Variants in ZNF446 observed in about 807,000 individuals in gnomAD.
ZNF446 encodes the protein zinc finger protein 446, also known as zinc finger protein with KRAB and SCAN domains 20.
A neutral mutation model predicts 34.0 loss-of-function variants in ZNF446; 42 were observed. The observed-to-expected ratio is 1.23, with a 90% CI of 0.96 to 1.60. The LOEUF is 1.60. ZNF446 is among the 40% of genes most tolerant of loss of function. ZNF446 has a pLI of 0.00. For synonymous variants in ZNF446, 315 were observed against 251.0 expected (o/e 1.25, Z -2.41); for missense variants, 650 against 600.2 (o/e 1.08, Z -0.87).
downstream of ZNF446, among the ~76,000 whole-genome samples, chr19:58,481,655 C>T (rs148872015): frequency 3.0e-3 from 452 of 152,304 alleles, 1 homozygote; most frequent in African/African-American, 0.01. Context: ...ACTGGGGACT[C>T]GCCAATGCAC....
downstream of ZNF446, among the ~76,000 whole-genome samples, chr19:58,482,565 G>A (rs1259360579): frequency 6.6e-6 from 1 of 152,208 alleles, no homozygotes; most frequent in South Asian, 2.1e-4. Flanking sequence ...TGGATGTTGA[G>A]GGTAGCTGCG....
chr19:58,487,856 T>C, the ZNF446 span, among the ~76,000 whole-genome samples: 1 of 152,172 alleles, frequency 6.6e-6, no homozygotes, highest in African/African-American at 2.4e-5. Context: ...TAAAATATGA[T>C]AGAAACATGG....
rs765197845 is a variant in ZNF446, at chr19:58,477,235, G to T, written c.17G>T (p.Gly6Val). 1.3e-6 allele frequency: 2 copies of T among 1,576,892 alleles called. No individual in the cohort carries two copies. Among genetic ancestry groups the T allele is most frequent in the South Asian group, 2.3e-5 (2 of 87,614 alleles). Residue 6 changes from glycine (G) to valine (V), a missense_variant, in exon 2 of 7, where the codon GGT (glycine) becomes GTT (valine). Physicochemically the swap from Gly to Val is moderately radical, Grantham distance 109 (BLOSUM62 -3). Coordinates refer to ENST00000594369, the MANE Select transcript of ZNF446 (RefSeq NM_017908.4). MPSPL[G>V]PPCLPVMDPE... Reference sequence around the variant, plus strand: ...TGAGCAAGAATGCCATCCCCTCTGGGTCCCCCATGCCTGCCCGTCATGGAC... The same window carrying T: ...TGAGCAAGAATGCCATCCCCTCTGGTTCCCCCATGCCTGCCCGTCATGGAC...
At chr19:58,482,195 C>CT (rs768230662), downstream of ZNF446, among the ~76,000 whole-genome samples, 137 of 149,988 alleles carry the variant, frequency 9.1e-4, 1 homozygote, top group African/African-American at 2.3e-3. Context: ...CACGTTCCCC[C>CT]TTTTTTTTTT....
rs371864951 is a variant in ZNF446 at position 58,477,205 on chromosome 19, C to G, written c.-14C>G. On this transcript the variant is annotated 5_prime_UTR_variant, in exon 2 of 7. Transcript: ENST00000594369. ...CCCATCTTGACGATTCCAAGACCAC[C>G]CCCTTGAGCAAGAATGCCATCCCCT... 2 of 1,535,142 alleles carry G rather than the reference C, an allele frequency of 1.3e-6. No individual in the cohort carries two copies. The highest frequency in any genetic ancestry group is 1.4e-5 in the African/African-American group (1 of 72,392).
chr19:58,480,956 C>T lies in ZNF446; in HGVS notation c.*230C>T. ...CCTCCTAGAGGGAGGTCTGGGTTCC[C>T]TTCTATGGCTGACCAGTGCCTGTGG... On this transcript the variant is annotated 3_prime_UTR_variant, in exon 7 of 7. Transcript: ENST00000594369. This position sits in a 1 kb window ranked among gnomAD's most constrained non-coding sequence, Gnocchi z 7.2. 2 of 585,064 alleles carry T rather than the reference C, an allele frequency of 3.4e-6. No homozygotes were observed. The highest frequency in any genetic ancestry group is 4.4e-5 in the South Asian group (2 of 44,976). 36.2% of individuals were successfully genotyped at this position (585,064 alleles called of 1,614,324 possible).
chr19:58,479,917 C>G lies in ZNF446; in HGVS notation c.713-13C>G, dbSNP rs776302510. 1 of 1,558,802 alleles carries G rather than the reference C, an allele frequency of 6.4e-7. No homozygotes were observed. The highest frequency in any genetic ancestry group is 1.9e-5 in the Admixed American group (1 of 52,384). ...GCAAACCCCATGCCTAACTGTGCCC[C>G]CCACCCGGGCAGGGTTACCGCCCCA... On this transcript the variant is annotated splice_polypyrimidine_tract_variant and intron_variant, in intron 5 of 6. Coordinates refer to ENST00000594369, the MANE Select transcript of ZNF446 (RefSeq NM_017908.4).
At chr19:58,488,531 A>G in the ZNF446 span, among the ~76,000 whole-genome samples, 1 of 151,184 alleles carries the variant, frequency 6.6e-6, no homozygotes, top group African/African-American at 2.4e-5. Context: ...ATTAAAAGAA[A>G]AGGCATAAAC....
At chr19:58,476,823 G>A (rs952367318) in intron 1 of ZNF446, among the ~76,000 whole-genome samples, 1 of 151,932 alleles carries the variant, frequency 6.6e-6, no homozygotes, top group Non-Finnish European at 1.5e-5. Context: ...CTCGCACCTC[G>A]GCTAGACACT....
rs763449513 is a variant in ZNF446, at chr19:58,479,924, G to A, written c.713-6G>A. 10 of 1,566,792 alleles carry A rather than the reference G, an allele frequency of 6.4e-6. 1 individual carries two copies. Among genetic ancestry groups the A allele is most frequent in the Middle Eastern group, 3.3e-4 (2 of 6,010 alleles). On this transcript the variant is annotated splice_region_variant and splice_polypyrimidine_tract_variant and intron_variant, in intron 5 of 6. Coordinates refer to ENST00000594369, the MANE Select transcript of ZNF446 (RefSeq NM_017908.4). ...CCATGCCTAACTGTGCCCCCCACCC[G>A]GGCAGGGTTACCGCCCCACCAGCCA... is the stretch of plus-strand genomic sequence containing the variant.
At chr19:58,478,016 G>C in intron 3 of ZNF446, 71 bp from the exon 4 acceptor site, 1 of 1,459,338 alleles carries the variant, frequency 6.9e-7, no homozygotes, top group Non-Finnish European at 9.4e-7. Context: ...ACACAGCAGA[G>C]GAGCTCCTCA....
chr19:58,482,123 T>G (rs1359895058), downstream of ZNF446, among the ~76,000 whole-genome samples: 1 of 152,106 alleles, frequency 6.6e-6, no homozygotes, highest in African/African-American at 2.4e-5. Flanking sequence ...GACTGGTTCC[T>G]CTTGAAGGCT....
chr19:58,479,810 G>T (rs765628161), intron 5 of ZNF446, 83 bp downstream of exon 5: 1 of 1,497,310 alleles, frequency 6.7e-7, no homozygotes, highest in Non-Finnish European at 9.2e-7. Flanking sequence ...CAGGGCCTCT[G>T]TGCTACCAGC....
Position 58,480,608 on chromosome 19 carries a change from T to C in ZNF446, c.1235T>C (p.Ile412Thr), listed in dbSNP as rs779842225. The change falls in exon 7 of 7, where the codon ATC becomes ACC. Residue 412 changes from isoleucine to threonine, a missense_variant. Coordinates refer to ENST00000594369, the MANE Select transcript of ZNF446 (RefSeq NM_017908.4). This position sits in a 1 kb window ranked among gnomAD's most constrained non-coding sequence, Gnocchi z 7.2. ...TTCAGCTGGAAGTCGCAGCTGGTCA[T>C]CCACCGCAAGAGCCACACAGGCCAG... is the stretch of plus-strand genomic sequence containing the variant. Reference protein sequence around the residue: ...CSFSWKSQLVIHRKSHTGQRR... With the variant: ...CSFSWKSQLVTHRKSHTGQRR... 1 of 1,612,278 alleles carries C rather than the reference T, an allele frequency of 6.2e-7. No homozygotes were observed. The highest frequency in any genetic ancestry group is 2.2e-5 in the East Asian group (1 of 44,828).
At chr19:58,488,865 C>CA in the ZNF446 span, among the ~76,000 whole-genome samples, 3 of 130,930 alleles carry the variant, frequency 2.3e-5, no homozygotes, top group East Asian at 4.2e-4. Context: ...AAAAAAAAAA[C>CA]AAAAAAATAC....
the ZNF446 span, among the ~76,000 whole-genome samples, chr19:58,488,580 G>A: frequency 2.9e-4 from 44 of 151,146 alleles, no homozygotes; most frequent in Admixed American, 1.6e-3. Context: ...GGCTGGGTGC[G>A]GTGGCTCACA....
At chr19:58,481,445 C>T (rs2122453146), downstream of ZNF446, among the ~76,000 whole-genome samples, 1 of 152,262 alleles carries the variant, frequency 6.6e-6, no homozygotes, top group South Asian at 2.1e-4. Flanking sequence ...CTCATCAGTC[C>T]CGGCTTGAGA....
downstream of ZNF446, among the ~76,000 whole-genome samples, chr19:58,486,088 C>CTTTTT (rs71190045): frequency 2.2e-3 from 187 of 83,258 alleles, no homozygotes; most frequent in Middle Eastern, 8.1e-3. Context: ...AGCTAACTTT[C>CTTTTT]TTTTTTTTTT....
At position 58,477,679 on chromosome 19, in the gene ZNF446, C is replaced by T; in HGVS notation, c.385C>T (p.Gln129Ter). Residue 129 changes from glutamine (Q) to a stop codon, truncating the protein, a stop_gained, in exon 3 of 7, where the codon CAG becomes TAG. Transcript: ENST00000594369. LOFTEE classifies it high-confidence loss of function. ...GAAGCAGGAGGTGCTCCCTGCAGCC[C>T]AGAAGACAGAGGAACCACTTGGGAG... is the stretch of plus-strand genomic sequence containing the variant. Reference protein sequence around the residue: ...VLKQEVLPAAQKTEEPLGSPH... With the variant: ...VLKQEVLPAA The T allele has an allele frequency of 1.9e-6, 3 of 1,613,850 alleles. No individual in the cohort carries two copies. Among genetic ancestry groups the T allele is most frequent in the Non-Finnish European group, 2.5e-6 (3 of 1,180,020 alleles).
Sources: allele counts gnomAD v4.1 joint callset (sites outside exome capture counted in the v4.1 genomes callset), GRCh38; gene constraint gnomAD v4.1.1; non-coding constraint Gnocchi (gnomAD v3.1); transcripts MANE v1.5; gene names NCBI Gene and HGNC (gene_info 2026-07-23, HGNC 2026-07-21).